Variants in CEP152 observed in about 807,000 individuals in gnomAD.
CEP152 encodes the protein centrosomal protein of 152 kDa.
Under a neutral mutation model 188.9 loss-of-function variants are expected in CEP152, and 132 were observed. The observed-to-expected ratio is 0.70, with a 90% CI of 0.61 to 0.81. The LOEUF (loss-of-function observed/expected upper bound fraction) is 0.81. CEP152 is among the 30% of genes least tolerant of loss of function. CEP152 has a pLI of 0.00. For synonymous variants in CEP152, 649 were observed against 666.6 expected (o/e 0.97, Z 0.41); for missense variants, 1,914 against 1,969.8 (o/e 0.97, Z 0.54).
intron 24 of CEP152, among the ~76,000 whole-genome samples, chr15:48,743,665 T>A (rs1387254953): frequency 6.6e-6 from 1 of 151,968 alleles, no homozygotes; most frequent in African/African-American, 2.4e-5. Context: ...GAGTTCGAGA[T>A]CAGCCTGGCC....
In CEP152 at chr15:48,767,138, T is replaced by C. The variant is rs1472287773; in HGVS notation, c.2202A>G (p.Leu734=). 1.2e-6 allele frequency: 2 copies of C among 1,613,838 alleles called. No homozygotes were observed. Among genetic ancestry groups the C allele is most frequent in the East Asian group, 4.5e-5 (2 of 44,860 alleles). ...KEVTAVQECY[L]EVCREKDNLE... ...GATTATCCTTCTCTCTGCACACTTC[T>C]AGGTAACATTCCTGCACAGCAGTCA... is the stretch of plus-strand genomic sequence containing the variant. The change falls in exon 17 of 27, where the codon CTA becomes CTG. Residue 734 remains leucine, a synonymous_variant. Coordinates refer to ENST00000380950, the MANE Select transcript of CEP152 (RefSeq NM_001194998.2).
intron 2 of CEP152, among the ~76,000 whole-genome samples, chr15:48,799,289 A>G (rs1309099279): frequency 6.6e-6 from 1 of 152,166 alleles, no homozygotes; most frequent in Non-Finnish European, 1.5e-5. Flanking sequence ...CAAAAAAAAA[A>G]GTTTCTTAAA....
chr15:48,799,428 G>A (rs1897533030), intron 2 of CEP152, among the ~76,000 whole-genome samples: 1 of 152,084 alleles, frequency 6.6e-6, no homozygotes, highest in South Asian at 2.1e-4. Context: ...GGAGGTGGGT[G>A]GGAATACTTC....
intron 12 of CEP152, among the ~76,000 whole-genome samples, 176 bp downstream of exon 12, chr15:48,781,020 T>C (rs1342724029): frequency 2.0e-5 from 3 of 152,220 alleles, no homozygotes; most frequent in African/African-American, 7.2e-5. Context: ...GTAAGGTTTC[T>C]AGGAAAAATT....
rs150610626 is a variant in CEP152 at position 48,789,117 on chromosome 15, G to A, written c.973-116C>T. 304 of 937,582 alleles carry A rather than the reference G, an allele frequency of 3.2e-4. 2 individuals are homozygous for A. The African/African-American group carries it at 4.2e-3, about 13-fold the overall frequency. 58.1% of individuals were successfully genotyped at this position (937,582 alleles called of 1,614,324 possible). A position where few individuals can be genotyped will look rare whatever the true frequency, so the allele number is the denominator to read the frequency against. The stretch of plus-strand genomic sequence containing the variant: ...ATAAAACTCAAGCATGTTTTAATGA[G>A]AGTAGAGAAGGGGTCTCCGCTCATC... On this transcript the variant is annotated intron_variant, in intron 8 of 26. Transcript: ENST00000380950.
At chr15:48,800,933 A>T (rs1225817642) in intron 2 of CEP152, among the ~76,000 whole-genome samples, 3 of 152,262 alleles carry the variant, frequency 2.0e-5, no homozygotes, top group Non-Finnish European at 4.4e-5. Context: ...AACATACAAA[A>T]GCCTACATTC....
chr15:48,785,905 CAAAA>C (rs757758217), intron 9 of CEP152, among the ~76,000 whole-genome samples: 7 of 101,458 alleles, frequency 6.9e-5, no homozygotes, highest in Non-Finnish European at 4.4e-5. Flanking sequence ...GACTCCATCT[CAAAA>C]AAAAAAAAAA....
At chr15:48,753,762 T>G (rs1894061305) in intron 20 of CEP152, among the ~76,000 whole-genome samples, 2 of 152,328 alleles carry the variant, frequency 1.3e-5, no homozygotes, top group East Asian at 1.9e-4. Context: ...CTTGAAAATT[T>G]TGTTCCATTT....
In CEP152 at chr15:48,738,806, C is replaced by A; in HGVS notation, c.4576G>T (p.Asp1526Tyr). Residue 1526 changes from aspartate (D) to tyrosine (Y), a missense_variant, in exon 27 of 27, where the codon GAT (aspartate) becomes TAT (tyrosine). Asp to Tyr is a radical substitution (Grantham distance 160). Coordinates refer to ENST00000380950, the MANE Select transcript of CEP152 (RefSeq NM_001194998.2). ...ESGCMHITFR[D>Y]SNERLGLKVY... The stretch of plus-strand genomic sequence containing the variant: ...TTTAAACCAAGTCTTTCATTAGAAT[C>A]GCGAAAGGTTATATGCATGCATCCT... The A allele has an allele frequency of 6.2e-7, 1 of 1,614,120 alleles. No individual in the cohort carries two copies.
At chr15:48,774,924 A>C (rs751579651) in intron 12 of CEP152, among the ~76,000 whole-genome samples, 1 of 152,166 alleles carries the variant, frequency 6.6e-6, no homozygotes, top group Non-Finnish European at 1.5e-5. Context: ...ATGAAAAAAA[A>C]CAGGAATTCT....
chr15:48,780,905 T>C (rs1233062408), intron 12 of CEP152, among the ~76,000 whole-genome samples: 1 of 152,162 alleles, frequency 6.6e-6, no homozygotes, highest in African/African-American at 2.4e-5. Flanking sequence ...CCCTAGTCAG[T>C]CTCTAGCAGG....
Position 48,796,287 on chromosome 15 carries a change from T to TACAC in CEP152, c.541-128_541-127insGTGT, listed in dbSNP as rs1321721147. On this transcript the variant is annotated intron_variant, in intron 5 of 26. Transcript: ENST00000380950. ...GGTACAGTTCAAAGTTGTTTATATA[T>TACAC]ATACACACACACACACACACACACA... is the stretch of plus-strand genomic sequence containing the variant. 735 of 692,204 alleles carry TACAC rather than the reference T, an allele frequency of 1.1e-3. 1 individual carries two copies. The highest frequency in any genetic ancestry group is 1.1e-3 in the Non-Finnish European group (465 of 407,378). The allele number at this position is 692,204 out of a possible 1,614,324, so 42.9% of individuals were successfully genotyped here.
At chr15:48,754,904 G>A (rs1488175720) in intron 20 of CEP152, among the ~76,000 whole-genome samples, 2 of 152,040 alleles carry the variant, frequency 1.3e-5, no homozygotes, top group African/African-American at 4.8e-5. Context: ...ACTCTCCCAA[G>A]TAGGTATTAA....
At position 48,744,268 on chromosome 15, in the gene CEP152, C is replaced by T. The variant is rs757116686; in HGVS notation, c.3807G>A (p.Gln1269=). The part of the protein sequence containing the change: ...SGGALEELRG[Q]YIKAVKKIKC... ...TAATTTTTTTTACAGCTTTAATGTA[C>T]TGCCCACGAAGTTCTTCCAAGGCTC... The change falls in exon 24 of 27, where the codon CAG becomes CAA. Residue 1269 remains glutamine, a synonymous_variant. Transcript: ENST00000380950. 6.2e-7 allele frequency: 1 copy of T among 1,614,002 alleles called. No individual in the cohort carries two copies. Among genetic ancestry groups the T allele is most frequent in the Non-Finnish European group, 8.5e-7 (1 of 1,179,974 alleles).
At chr15:48,741,576 C>A (rs766424796) in intron 26 of CEP152, 25 bp downstream of exon 26, 7 of 1,613,836 alleles carry the variant, frequency 4.3e-6, no homozygotes, top group Non-Finnish European at 5.9e-6. Context: ...ATAGAAAAAC[C>A]ATTTGGCGAC....
At chr15:48,729,644 T>C (rs888861382) in intron 2 of CEP152, 1 of 152,214 alleles carries the variant, frequency 6.6e-6, no homozygotes, top group Non-Finnish European at 1.5e-5. Context: ...GTTTTTGTTC[T>C]TAGAAAATGT....
At position 48,739,161 on chromosome 15, in the gene CEP152, G is replaced by C. The variant is rs200785234; in HGVS notation, c.4221C>G (p.Cys1407Trp). 2 of 1,614,142 alleles carry C rather than the reference G, an allele frequency of 1.2e-6. No homozygotes were observed. The change falls in exon 27 of 27, where the codon TGC becomes TGG. Residue 1407 changes from cysteine to tryptophan, a missense_variant. Transcript: ENST00000380950. ...CTGCCCTCCTCTTGGGAGCTTGTTC[G>C]CACAGAGTTCTGGTGATGGTGTTTA... Reference protein sequence around the residue: ...NSVNTITRTLCEQAPKRRAAC... With the variant: ...NSVNTITRTLWEQAPKRRAAC...
Position 48,797,596 on chromosome 15 carries a change from G to A in CEP152, c.262-17C>T, listed in dbSNP as rs1002162817. 1 of 1,613,882 alleles carries A rather than the reference G, an allele frequency of 6.2e-7. No individual in the cohort carries two copies. The highest frequency in any genetic ancestry group is 8.5e-7 in the Non-Finnish European group (1 of 1,179,938). On this transcript the variant is annotated splice_polypyrimidine_tract_variant and intron_variant, in intron 4 of 26. Transcript: ENST00000380950. ...ATTATAGCCCTATTAGATAACAAGA[G>A]TAAAACAAAAGCACGAAGATCCAGT...
Position 48,781,196 on chromosome 15 carries a change from C to T in CEP152, c.1577G>A (p.Ser526Asn). The T allele has an allele frequency of 8.1e-6, 13 of 1,612,936 alleles. No individual in the cohort carries two copies. Among genetic ancestry groups the T allele is most frequent in the Non-Finnish European group, 1.1e-5 (13 of 1,179,224 alleles). The change falls in exon 12 of 27, where the codon AGC becomes AAC. Residue 526 changes from serine (S) to asparagine (N), a missense_variant and splice_region_variant. Coordinates refer to ENST00000380950, the MANE Select transcript of CEP152 (RefSeq NM_001194998.2). ...KVNWKKSKVT[S>N]IVQEEDPNEE... is the part of the protein sequence containing the mutation. The stretch of plus-strand genomic sequence containing the variant: ...GTAAACTAAAATATTCTTTCCATAC[C>T]TGGTAACTTTGGATTTTTTCCAGTT...
Sources: gnomAD v4.1 joint callset for allele counts (sites outside exome capture counted in the v4.1 genomes callset) on GRCh38, gnomAD v4.1.1 for gene constraint, MANE v1.5 for transcripts, NCBI Gene and HGNC (gene_info 2026-07-23, HGNC 2026-07-21) for gene names.